Variants in UGGT2 observed in about 807,000 individuals in gnomAD.
UGGT2 encodes the protein UDP-glucose glycoprotein glucosyltransferase 2.
Under a neutral mutation model 192.1 loss-of-function variants are expected in UGGT2, and 180 were observed. The ratio of observed to expected loss-of-function variants is 0.94; its 90% CI spans 0.83 to 1.06. The LOEUF (loss-of-function observed/expected upper bound fraction) is 1.06, where lower values mean the gene tolerates loss of function less well. Among genes scored for constraint, UGGT2 ranks in the 50% least tolerant of loss-of-function variants. The pLI is 0.00. For missense variants in UGGT2, 1,849 were observed against 1,795.7 expected (o/e 1.03, Z -0.54); for synonymous variants, 580 against 591.0 (o/e 0.98, Z 0.27).
intron 38 of UGGT2, among the ~76,000 whole-genome samples, chr13:95,819,352 ACTGT>A (rs141985230): frequency 0.015 from 2,242 of 152,150 alleles, 53 homozygotes; most frequent in African/African-American, 0.051. Context: ...GCCTTATTAG[ACTGT>A]CTAACATTTA....
intron 12 of UGGT2, among the ~76,000 whole-genome samples, chr13:95,954,088 T>C (rs1384665173): frequency 6.6e-6 from 1 of 152,202 alleles, no homozygotes; most frequent in Non-Finnish European, 1.5e-5. Flanking sequence ...CCACACCTGA[T>C]ACCTTTGTTT....
At chr13:95,890,592 A>G (rs1330416002) in intron 25 of UGGT2, among the ~76,000 whole-genome samples, 1 of 152,192 alleles carries the variant, frequency 6.6e-6, no homozygotes, top group East Asian at 1.9e-4. Context: ...ATTGGGAGTT[A>G]GGGCTTAAAG....
intron 6 of UGGT2, among the ~76,000 whole-genome samples, chr13:95,998,992 C>A (rs376222854): frequency 1.3e-5 from 2 of 152,034 alleles, no homozygotes; most frequent in Non-Finnish European, 2.9e-5. Flanking sequence ...AAATAACATA[C>A]GATTTCATAT....
intron 19 of UGGT2, 41 bp downstream of exon 19, chr13:95,926,987 T>C (rs1215792573): frequency 6.6e-7 from 1 of 1,523,766 alleles, no homozygotes; most frequent in Non-Finnish European, 8.9e-7. Context: ...TACAAGTTTC[T>C]ATCACTTTAA....
chr13:96,007,050 A>G (rs575109140), intron 5 of UGGT2, among the ~76,000 whole-genome samples: 2 of 152,324 alleles, frequency 1.3e-5, no homozygotes, highest in South Asian at 2.1e-4. Context: ...CCTCAACAAC[A>G]TATTAGCAAA....
intron 36 of UGGT2, among the ~76,000 whole-genome samples, chr13:95,845,949 C>T (rs1045821140): frequency 6.6e-6 from 1 of 151,510 alleles, no homozygotes; most frequent in Non-Finnish European, 1.5e-5. Flanking sequence ...GACTGGGCAG[C>T]CGGGCAGAGG....
In UGGT2 at chr13:95,925,751, T is replaced by C. The variant is rs1017292058; in HGVS notation, c.2224A>G (p.Thr742Ala). Residue 742 changes from threonine (T) to alanine (A), a missense_variant, in exon 20 of 39, where the codon ACT becomes GCT. Physicochemically the swap from Thr to Ala is moderately conservative, Grantham distance 58. Coordinates refer to ENST00000376747, the MANE Select transcript of UGGT2 (RefSeq NM_020121.4). Reference protein sequence around the residue: ...QDDESIISAVTLWIIADFDKP... With the variant: ...QDDESIISAVALWIIADFDKP... ...TCAAAATCTGCAATAATCCAGAGAG[T>C]GACTGCAGAAATTATACTCTCATCT... 2 of 1,561,400 alleles carry C rather than the reference T, an allele frequency of 1.3e-6. No individual in the cohort carries two copies. The highest frequency in any genetic ancestry group is 1.8e-5 in the Admixed American group (1 of 56,504).
At chr13:95,969,784 G>A (rs946678898) in intron 12 of UGGT2, among the ~76,000 whole-genome samples, 2 of 152,228 alleles carry the variant, frequency 1.3e-5, no homozygotes, top group Admixed American at 6.5e-5. Context: ...ATCATGTTAA[G>A]GTAGCACTTT....
intron 1 of UGGT2, among the ~76,000 whole-genome samples, chr13:96,036,573 A>C (rs1334239963): frequency 6.6e-6 from 1 of 152,158 alleles, no homozygotes; most frequent in African/African-American, 2.4e-5. Context: ...AAGTAAAAAA[A>C]AAAAAAGTAT....
At chr13:95,822,635 T>A (rs2139807697) in intron 38 of UGGT2, among the ~76,000 whole-genome samples, 1 of 152,256 alleles carries the variant, frequency 6.6e-6, no homozygotes, top group African/African-American at 2.4e-5. Context: ...TCTTTTGTAT[T>A]TCTGCAGTAT....
intron 9 of UGGT2, chr13:95,985,234 C>A: frequency 8.5e-7 from 1 of 1,180,108 alleles, no homozygotes; most frequent in Admixed American, 2.6e-5. Context: ...GACATTTATA[C>A]ACACCCATAT....
chr13:95,938,203 G>A (rs1807900), intron 16 of UGGT2, among the ~76,000 whole-genome samples: 44,789 of 151,984 alleles, frequency 0.29, 7,188 homozygotes, highest in Admixed American at 0.36. Context: ...TATCAGCAGC[G>A]TGAAAATGGA....
intron 10 of UGGT2, among the ~76,000 whole-genome samples, chr13:95,972,996 C>A (rs1217807476): frequency 3.3e-5 from 5 of 152,148 alleles, no homozygotes; most frequent in Non-Finnish European, 4.4e-5. Flanking sequence ...CATGGTGAAA[C>A]CCCATCTCTA....
chr13:95,909,302 C>T (rs779895325), intron 20 of UGGT2, among the ~76,000 whole-genome samples: 19 of 152,040 alleles, frequency 1.2e-4, no homozygotes, highest in South Asian at 4.2e-4. Flanking sequence ...CACACGCACA[C>T]GTATGTTTAT....
chr13:96,053,396 G>C lies in UGGT2; in HGVS notation c.-84C>G. 4.6e-6 allele frequency: 7 copies of C among 1,505,474 alleles called. No individual in the cohort carries two copies. In the South Asian group the frequency reaches 6.2e-5, roughly 13 times the overall value. 93.3% of individuals were successfully genotyped at this position (1,505,474 alleles called of 1,614,324 possible). A position where few individuals can be genotyped will look rare whatever the true frequency, so the allele number is the denominator to read the frequency against. On this transcript the variant is annotated 5_prime_UTR_variant, in exon 1 of 39. Transcript: ENST00000376747. ...CGCTTCGGCCGGCTCTTCCCGCTGC[G>C]CGGCTGCCCACTTCCGGTGGGAGGA...
chr13:96,035,788 G>A (rs186208268), intron 1 of UGGT2, among the ~76,000 whole-genome samples: 62 of 152,136 alleles, frequency 4.1e-4, no homozygotes, highest in African/African-American at 1.4e-3. Context: ...ACATTCATGC[G>A]GCCAACAAAC....
intron 11 of UGGT2, among the ~76,000 whole-genome samples, chr13:95,970,849 C>T (rs373168565): frequency 4.6e-5 from 7 of 152,250 alleles, no homozygotes; most frequent in African/African-American, 1.7e-4. Flanking sequence ...GTGGCTGAGG[C>T]GACTATTCAG....
chr13:95,861,296 G>A (rs540084269), intron 31 of UGGT2, among the ~76,000 whole-genome samples: 24 of 152,226 alleles, frequency 1.6e-4, no homozygotes, highest in Non-Finnish European at 2.2e-4. Flanking sequence ...AACAGGGTAG[G>A]TGTGTGAGTG....
intron 10 of UGGT2, among the ~76,000 whole-genome samples, chr13:95,974,059 A>C (rs1027038913): frequency 3.3e-5 from 5 of 152,222 alleles, no homozygotes; most frequent in Non-Finnish European, 7.3e-5. Context: ...TAACTTGAAG[A>C]GATTCAGAGA....
Sources: allele counts gnomAD v4.1 joint callset (sites outside exome capture counted in the v4.1 genomes callset), GRCh38; gene constraint gnomAD v4.1.1; transcripts MANE v1.5; gene names NCBI Gene and HGNC (gene_info 2026-07-23, HGNC 2026-07-21).